DDX10: variants seen among roughly 807,000 people sequenced by gnomAD.
DDX10 encodes DEAD-box helicase 10.
In DDX10, 74 loss-of-function variants were observed where a neutral mutation model predicts 104.3. That is an observed-to-expected ratio of 0.71 (90% CI 0.59 to 0.86). The LOEUF (loss-of-function observed/expected upper bound fraction) is 0.86, where lower values mean the gene tolerates loss of function less well. Ranked by LOEUF, DDX10 falls within the 40% of genes least tolerant of loss-of-function variation. The probability of loss-of-function intolerance (pLI) is 0.00; values close to 1 mark genes in which losing one functional copy is unlikely to be tolerated. For missense variants in DDX10, 952 were observed against 1,040.0 expected, an observed-to-expected ratio of 0.92 and a Z score of 1.16; for synonymous variants, 351 against 353.4, an observed-to-expected ratio of 0.99 and a Z score of 0.08.
At chr11:108,888,008 T>C (rs569461310) in intron 16 of DDX10, among the ~76,000 whole-genome samples, 64 of 152,282 alleles carry the variant, frequency 4.2e-4, no homozygotes, top group African/African-American at 1.4e-3. Flanking sequence ...TATAGTGTTT[T>C]CAATCAGAGG....
chr11:108,689,115 A>G, intron 7 of DDX10, 53 bp downstream of exon 7: 1 of 1,581,254 alleles, frequency 6.3e-7, no homozygotes, highest in South Asian at 1.1e-5. Context: ...CCCTTTTGAA[A>G]TGGCAAATCA....
intron 16 of DDX10, among the ~76,000 whole-genome samples, chr11:108,865,520 C>T (rs1232504413): frequency 6.6e-6 from 1 of 152,066 alleles, no homozygotes; most frequent in African/African-American, 2.4e-5. Flanking sequence ...TTTGACTGGC[C>T]TCCTTGGGGC....
intron 13 of DDX10, among the ~76,000 whole-genome samples, chr11:108,746,334 G>GT (rs551574337): frequency 2.8e-3 from 411 of 144,384 alleles, no homozygotes; most frequent in Non-Finnish European, 3.9e-3. Flanking sequence ...CACTTAGTAT[G>GT]TTTTTTTTTT....
chr11:108,878,051 G>GT (rs1208183226), intron 16 of DDX10, among the ~76,000 whole-genome samples: 3 of 152,110 alleles, frequency 2.0e-5, no homozygotes, highest in African/African-American at 2.4e-5. Context: ...TAAAGGAAAG[G>GT]TTTTTTTACA....
intron 10 of DDX10, 134 bp from the exon 11 acceptor site, chr11:108,715,745 C>T (rs144133062): frequency 5.9e-5 from 35 of 591,270 alleles, no homozygotes; most frequent in South Asian, 8.3e-5. Flanking sequence ...GTTTAATTTC[C>T]GTCTAATCTG....
In DDX10 at chr11:108,790,519, T is replaced by A. The variant is rs185575880; in HGVS notation, c.1966-47927T>A. Among the ~76,000 whole-genome samples, 473 of 152,348 alleles carry A rather than the reference T, an allele frequency of 3.1e-3. 2 individuals are homozygous for A. Among genetic ancestry groups the A allele is most frequent in the African/African-American group, 0.011 (453 of 41,588 alleles). The stretch of plus-strand genomic sequence containing the variant: ...CACAAATTGTATCAAATATGCTCTC[T>A]GTTGTGGCTTTCTCCTCTCGTTTTC... On this transcript the variant is annotated intron_variant, in intron 13 of 17. Transcript: ENST00000322536.
At chr11:108,863,711 C>T (rs1862969837) in intron 16 of DDX10, among the ~76,000 whole-genome samples, 2 of 152,110 alleles carry the variant, frequency 1.3e-5, no homozygotes, top group African/African-American at 4.8e-5. Context: ...ATTTTTGCCC[C>T]ACTCAGTAGA....
chr11:108,802,011 G>GTA (rs1491393647), intron 13 of DDX10, among the ~76,000 whole-genome samples: 7 of 5,608 alleles, frequency 1.2e-3, no homozygotes, highest in African/African-American at 1.3e-3. Context: ...AGTGAGTGGG[G>GTA]TGTGTGTGTG....
intron 16 of DDX10, among the ~76,000 whole-genome samples, chr11:108,863,852 T>G (rs1308523694): frequency 6.6e-6 from 1 of 152,200 alleles, no homozygotes; most frequent in African/African-American, 2.4e-5. Flanking sequence ...TATTGTGAGT[T>G]CATCAGTAAT....
In DDX10 at chr11:108,706,763, G is replaced by A. The variant is rs771180931; in HGVS notation, c.1248G>A (p.Leu416=). 53 of 1,613,852 alleles carry A rather than the reference G, an allele frequency of 3.3e-5. No individual in the cohort carries two copies. Among genetic ancestry groups the A allele is most frequent in the Non-Finnish European group, 4.2e-5 (49 of 1,179,908 alleles). ...TARYKEDGEA[L]LILLPSEKAM... ...GGTACAAAGAGGATGGTGAAGCTTT[G>A]CTAATTTTGCTACCCTCAGAAAAAG... The change falls in exon 10 of 18, where the codon TTG becomes TTA. Residue 416 remains leucine, a synonymous_variant. Transcript: ENST00000322536.
chr11:108,802,067 G>A (rs1437637898), intron 13 of DDX10, among the ~76,000 whole-genome samples: 2 of 151,288 alleles, frequency 1.3e-5, no homozygotes, highest in East Asian at 3.9e-4. Context: ...TGATCAGGTG[G>A]AACCCATCAC....
At chr11:108,877,720 A>C (rs746288577) in intron 16 of DDX10, among the ~76,000 whole-genome samples, 2 of 152,192 alleles carry the variant, frequency 1.3e-5, no homozygotes, top group Non-Finnish European at 2.9e-5. Flanking sequence ...AGACTTCACT[A>C]TGGGAATCCT....
At chr11:108,826,941 C>T (rs543627409) in intron 13 of DDX10, among the ~76,000 whole-genome samples, 82 of 152,198 alleles carry the variant, frequency 5.4e-4, no homozygotes, top group African/African-American at 1.8e-3. Flanking sequence ...AATAGAAATT[C>T]GAAAGGCAAA....
At chr11:108,729,290 A>G (rs923056255) in intron 13 of DDX10, among the ~76,000 whole-genome samples, 2 of 152,168 alleles carry the variant, frequency 1.3e-5, no homozygotes, top group Non-Finnish European at 2.9e-5. Flanking sequence ...GAGGGTCACA[A>G]ATTCCTCCAG....
chr11:108,852,046 G>T, intron 15 of DDX10, 107 bp from the exon 16 acceptor site: 1 of 833,632 alleles, frequency 1.2e-6, no homozygotes, highest in Non-Finnish European at 1.9e-6. Context: ...GTTGAAAAAT[G>T]AATGTCATAT....
intron 13 of DDX10, among the ~76,000 whole-genome samples, chr11:108,780,680 T>C (rs2094376991): frequency 6.6e-6 from 1 of 152,222 alleles, no homozygotes; most frequent in Non-Finnish European, 1.5e-5. Context: ...TTCTCAGTAT[T>C]CTACTCAAGC....
intron 16 of DDX10, among the ~76,000 whole-genome samples, chr11:108,895,190 GGT>G (rs1863425196): frequency 6.6e-6 from 1 of 151,922 alleles, no homozygotes; most frequent in Non-Finnish European, 1.5e-5. Context: ...CGTTTTAAAA[GGT>G]GTAGGTATTC....
At chr11:108,678,486 A>G (rs947317702) in intron 5 of DDX10, 51 bp downstream of exon 5, 3 of 1,470,848 alleles carry the variant, frequency 2.0e-6, no homozygotes, top group Non-Finnish European at 2.7e-6. Context: ...CAGACTTAGG[A>G]GAGAGCCCTT....
intron 2 of DDX10, among the ~76,000 whole-genome samples, chr11:108,674,337 A>T (rs1287931207): frequency 6.6e-6 from 1 of 152,068 alleles, no homozygotes. Flanking sequence ...TGTATACATG[A>T]TGCTTTGAAA....
Sources: allele counts gnomAD v4.1 joint callset (sites outside exome capture counted in the v4.1 genomes callset), GRCh38; gene constraint gnomAD v4.1.1; transcripts MANE v1.5; gene names NCBI Gene and HGNC (gene_info 2026-07-23, HGNC 2026-07-21).